CCKBR: variants seen among roughly 807,000 people sequenced by gnomAD.
The protein encoded by CCKBR is gastrin/cholecystokinin type B receptor.
Under a neutral mutation model 34.6 loss-of-function variants are expected in CCKBR, and 33 were observed. The observed-to-expected ratio is 0.95, with a 90% CI of 0.72 to 1.27. The LOEUF is 1.27. CCKBR is among the 50% of genes most tolerant of loss of function. CCKBR has a pLI of 0.00. For synonymous variants in CCKBR, 269 were observed against 267.5 expected, an observed-to-expected ratio of 1.01 and a Z score of -0.06; for missense variants, 652 against 617.4, an observed-to-expected ratio of 1.06 and a Z score of -0.59.
Position 6,260,010 on chromosome 11 carries a change from C to G in CCKBR, c.82C>G (p.Leu28Val). Residue 28 changes from leucine to valine, a missense_variant, in exon 1 of 5, where the codon CTC becomes GTC. Transcript: ENST00000334619. ...TTCCCTGTGCCGCCCGGGGGCGCCT[C>G]TCCTCAACAGCAGCAGTGTGGGCAA... ...GASLCRPGAP[L>V]LNSSSVGNLS... is the part of the protein sequence containing the mutation. 3 of 1,591,706 alleles carry G rather than the reference C, an allele frequency of 1.9e-6. No homozygotes were observed. The highest frequency in any genetic ancestry group is 2.6e-6 in the Non-Finnish European group (3 of 1,170,620).
intron 1 of CCKBR, among the ~76,000 whole-genome samples, chr11:6,269,150 ATTTTTTT>A (rs540603471): frequency 3.2e-4 from 14 of 43,252 alleles, no homozygotes; most frequent in African/African-American, 7.2e-4. Context: ...TAAGTGAAGT[ATTTTTTT>A]TTTTTTTTTT....
intron 1 of CCKBR, among the ~76,000 whole-genome samples, chr11:6,262,222 T>C (rs1396860): frequency 0.18 from 27,656 of 151,904 alleles, 2,612 homozygotes; most frequent in Middle Eastern, 0.3. Flanking sequence ...AGGTCTGAGG[T>C]GGAAATACAG....
At chr11:6,266,775 G>A (rs921041208) in intron 1 of CCKBR, among the ~76,000 whole-genome samples, 6 of 152,120 alleles carry the variant, frequency 3.9e-5, no homozygotes, top group Admixed American at 1.3e-4. Flanking sequence ...CTAATGATGG[G>A]GATACCTTCT....
chr11:6,271,380 A>C lies in CCKBR; in HGVS notation c.1181A>C (p.His394Pro), dbSNP rs755275816. The C allele has an allele frequency of 1.9e-6, 3 of 1,613,940 alleles. No homozygotes were observed. The East Asian group carries it at 6.7e-5, about 36-fold the overall frequency. ...CVNPLVYCFMHRRFRQACLET... is the reference protein window; with the variant it reads ...CVNPLVYCFMPRRFRQACLET... ...AACCCCCTGGTCTACTGCTTCATGC[A>C]CCGTCGCTTTCGCCAGGCCTGCCTG... Residue 394 changes from histidine (H) to proline (P), a missense_variant, in exon 5 of 5, where the codon CAC becomes CCC. His to Pro is a moderately conservative substitution (Grantham distance 77, BLOSUM62 -2). Transcript: ENST00000334619.
rs1299382672 is a variant in CCKBR at position 6,264,698 on chromosome 11, T to C, written c.151+4619T>C. On this transcript the variant is annotated intron_variant, in intron 1 of 4. Transcript: ENST00000334619. ...TCACTGAAGCCACTGTCATCACTCATATTCCACCATGCAAACACACATCAA... is the reference window on the plus strand; with the variant it reads ...TCACTGAAGCCACTGTCATCACTCACATTCCACCATGCAAACACACATCAA... The C allele has an allele frequency of 5.2e-6, 3 of 576,764 alleles. No homozygotes were observed. The East Asian group carries it at 8.8e-5, about 17-fold the overall frequency. The allele number at this position is 576,764 out of a possible 1,614,324, so 35.7% of individuals were successfully genotyped here.
Position 6,271,717 on chromosome 11 carries a change from T to G in CCKBR, c.*174T>G, listed in dbSNP as rs1255751492. On this transcript the variant is annotated 3_prime_UTR_variant, in exon 5 of 5. Coordinates refer to ENST00000334619, the MANE Select transcript of CCKBR (RefSeq NM_176875.4). Reference sequence around the variant, plus strand: ...CACAAGAGGAATAAGAATGGAGCAGTACATGGGAAAGGAGGCATGCCTCTG... The same window carrying G: ...CACAAGAGGAATAAGAATGGAGCAGGACATGGGAAAGGAGGCATGCCTCTG... 9.4e-6 allele frequency: 6 copies of G among 638,740 alleles called. No homozygotes were observed. The allele number at this position is 638,740 out of a possible 1,614,324, so 39.6% of individuals were successfully genotyped here. A position where few individuals can be genotyped will look rare whatever the true frequency, so the allele number is the denominator to read the frequency against.
Position 6,271,889 on chromosome 11 carries a change from T to G in CCKBR, c.*346T>G. 3.9e-6 allele frequency: 1 copy of G among 259,190 alleles called. No individual in the cohort carries two copies. The highest frequency in any genetic ancestry group is 7.3e-6 in the Non-Finnish European group (1 of 136,412). The allele number at this position is 259,190 out of a possible 1,614,324, so 16.1% of individuals were successfully genotyped here. ...ACATAGATTAATGGCACTGATTGTTTTAGAGACTATGGAGCCTGGCACAGG... is the reference window on the plus strand; with the variant it reads ...ACATAGATTAATGGCACTGATTGTTGTAGAGACTATGGAGCCTGGCACAGG... On this transcript the variant is annotated 3_prime_UTR_variant, in exon 5 of 5. Coordinates refer to ENST00000334619, the MANE Select transcript of CCKBR (RefSeq NM_176875.4).
rs1470052383 is a variant in CCKBR at position 6,259,972 on chromosome 11, C to A, written c.44C>A (p.Pro15His). 3 of 1,554,834 alleles carry A rather than the reference C, an allele frequency of 1.9e-6. No homozygotes were observed. In the East Asian group the frequency reaches 7.7e-5, roughly 40 times the overall value. ...KLNRSVQGTG[P>H]GPGASLCRPG... ...AACCGGAGCGTGCAGGGAACCGGACCCGGGCCGGGGGCTTCCCTGTGCCGC... is the reference window on the plus strand; with the variant it reads ...AACCGGAGCGTGCAGGGAACCGGACACGGGCCGGGGGCTTCCCTGTGCCGC... The change falls in exon 1 of 5, where the codon CCC becomes CAC. Residue 15 changes from proline to histidine, a missense_variant. By Grantham distance (77) the Pro-to-His change is moderately conservative. Coordinates refer to ENST00000334619, the MANE Select transcript of CCKBR (RefSeq NM_176875.4).
At chr11:6,263,683 G>T (rs1848169220) in intron 1 of CCKBR, among the ~76,000 whole-genome samples, 5 of 152,112 alleles carry the variant, frequency 3.3e-5, no homozygotes, top group South Asian at 4.1e-4. Flanking sequence ...TGTTGCCCAG[G>T]CTGGTCTCTA....
chr11:6,271,329 T>G lies in CCKBR; in HGVS notation c.1130T>G (p.Leu377Trp). ...GGTGCTCCTATCTCCTTCATTCACT[T>G]GCTGAGCTACGCCTCGGCCTGTGTC... is the stretch of plus-strand genomic sequence containing the variant. ...LSGAPISFIH[L>W]LSYASACVNP... Residue 377 changes from leucine to tryptophan, a missense_variant, in exon 5 of 5, where the codon TTG becomes TGG. Coordinates refer to ENST00000334619, the MANE Select transcript of CCKBR (RefSeq NM_176875.4). The G allele has an allele frequency of 1.2e-6, 2 of 1,614,220 alleles. No homozygotes were observed. Among genetic ancestry groups the G allele is most frequent in the Non-Finnish European group, 1.7e-6 (2 of 1,180,018 alleles).
intron 1 of CCKBR, among the ~76,000 whole-genome samples, chr11:6,267,356 G>GA (rs56249698): frequency 5.7e-4 from 83 of 146,840 alleles, no homozygotes; most frequent in East Asian, 9.8e-4. Flanking sequence ...TTTAACTTTA[G>GA]AAAAAAAAAA....
In CCKBR at chr11:6,271,779, T is replaced by C. The variant is rs1848322429; in HGVS notation, c.*236T>C. On this transcript the variant is annotated 3_prime_UTR_variant, in exon 5 of 5. Coordinates refer to ENST00000334619, the MANE Select transcript of CCKBR (RefSeq NM_176875.4). Reference sequence around the variant, plus strand: ...AGCCTGGCCCATAGAAACATGACACTGACCTTGGAGAGACACAGCGTCCCT... The same window carrying C: ...AGCCTGGCCCATAGAAACATGACACCGACCTTGGAGAGACACAGCGTCCCT... 1 of 513,036 alleles carries C rather than the reference T, an allele frequency of 1.9e-6. No homozygotes were observed. The highest frequency in any genetic ancestry group is 3.1e-5 in the East Asian group (1 of 32,452). The allele number at this position is 513,036 out of a possible 1,614,324, so 31.8% of individuals were successfully genotyped here. A position where few individuals can be genotyped will look rare whatever the true frequency, so the allele number is the denominator to read the frequency against.
intron 1 of CCKBR, among the ~76,000 whole-genome samples, chr11:6,267,912 A>G (rs147376798): frequency 4.3e-4 from 66 of 152,324 alleles, no homozygotes; most frequent in Non-Finnish European, 9.3e-4. Flanking sequence ...TGGCACTATC[A>G]TAGCTCATTG....
At chr11:6,262,021 T>C (rs1848140719) in intron 1 of CCKBR, among the ~76,000 whole-genome samples, 1 of 152,184 alleles carries the variant, frequency 6.6e-6, no homozygotes, top group African/African-American at 2.4e-5. Flanking sequence ...GATTTCTAAC[T>C]TGGACAACTG....
chr11:6,264,818 A>G (rs1222548644), intron 1 of CCKBR, among the ~76,000 whole-genome samples: 1 of 152,202 alleles, frequency 6.6e-6, no homozygotes, highest in Non-Finnish European at 1.5e-5. Context: ...AGCAGTTTTA[A>G]GTTTACAAAA....
chr11:6,270,593 T>G (rs1848284306), intron 3 of CCKBR, 53 bp from the exon 4 acceptor site: 2 of 1,526,758 alleles, frequency 1.3e-6, no homozygotes, highest in African/African-American at 1.4e-5. Flanking sequence ...TTTTTCTCCA[T>G]CTGTGATTAC....
At chr11:6,270,438 C>A in intron 3 of CCKBR, 101 bp downstream of exon 3, 1 of 1,468,236 alleles carries the variant, frequency 6.8e-7, no homozygotes, top group Non-Finnish European at 9.3e-7. Context: ...GGAGAATTAC[C>A]ACGCCAACTC....
chr11:6,262,686 A>AAGAGAGAGAGAGAGAGAGAG (rs57265861), intron 1 of CCKBR, among the ~76,000 whole-genome samples: 34 of 119,188 alleles, frequency 2.9e-4, no homozygotes, highest in African/African-American at 4.4e-4. Flanking sequence ...TAGGCAAAGA[A>AAGAGAGAGAGAGAGAGAGAG]AGAGAGAGAG....
At position 6,261,462 on chromosome 11, in the gene CCKBR, T is replaced by TATATATATACACACAC. The variant is rs764173521; in HGVS notation, c.151+1384_151+1385insTATATATACACACACA. ...AAAAAAAAAAAAAAAAAAATATATA[T>TATATATATACACACAC]ACACACACACACACACACACACACA... On this transcript the variant is annotated intron_variant, in intron 1 of 4. Coordinates refer to ENST00000334619, the MANE Select transcript of CCKBR (RefSeq NM_176875.4). 8.3e-3 allele frequency among the ~76,000 whole-genome samples: 529 copies of TATATATATACACACAC among 63,962 alleles called. 17 individuals are homozygous for TATATATATACACACAC. The highest frequency in any genetic ancestry group is 0.039 in the Admixed American group (154 of 3,932). The allele number at this position is 63,962 out of a possible 152,430, so 42.0% of individuals were successfully genotyped here. A position where few individuals can be genotyped will look rare whatever the true frequency, so the allele number is the denominator to read the frequency against.
Sources: gnomAD v4.1 joint callset for allele counts (sites outside exome capture counted in the v4.1 genomes callset) on GRCh38, gnomAD v4.1.1 for gene constraint, MANE v1.5 for transcripts, NCBI Gene and HGNC (gene_info 2026-07-23, HGNC 2026-07-21) for gene names.